DHRSX: variants seen among roughly 807,000 people sequenced by gnomAD.
DHRSX encodes the protein polyprenol dehydrogenase.
A neutral mutation model predicts 34.0 loss-of-function variants in DHRSX; 31 were observed. That is an observed-to-expected ratio of 0.91 (90% CI 0.69 to 1.23). The LOEUF (loss-of-function observed/expected upper bound fraction) is 1.23, where lower values mean the gene tolerates loss of function less well. Ranked by LOEUF, DHRSX falls within the 50% of genes most tolerant of loss-of-function variation. The pLI, the probability that DHRSX is intolerant of heterozygous loss-of-function variation, is 0.00. For missense variants in DHRSX, 414 were observed against 428.1 expected (o/e 0.97, Z 0.29); for synonymous variants, 201 against 183.8 (o/e 1.09, Z -0.76).
chrX:2,419,869 A>G (rs1420700393), intron 2 of DHRSX, among the ~76,000 whole-genome samples: 1 of 151,560 alleles, frequency 6.6e-6, no homozygotes, highest in East Asian at 2.0e-4. Flanking sequence ...CCTAATGCTA[A>G]ATGACGAGTT....
rs773133142 is a variant in DHRSX, at chrX:2,462,958, C to G, written c.110-37654G>C. Among the ~76,000 whole-genome samples, 402 of 152,180 alleles carry G rather than the reference C, an allele frequency of 2.6e-3. 2 individuals carry two copies. Among genetic ancestry groups the G allele is most frequent in the Non-Finnish European group, 4.7e-3 (321 of 68,008 alleles). On this transcript the variant is annotated intron_variant, in intron 1 of 6. Coordinates refer to ENST00000334651, the MANE Select transcript of DHRSX (RefSeq NM_145177.3). ...AGGTGGGAGACTTGGGAGGTGATGA[C>G]TTCATGGGGATCAAGCCTCATGAAT... is the stretch of plus-strand genomic sequence containing the variant.
intron 1 of DHRSX, 163 bp downstream of exon 1, chrX:2,500,654 G>GCCCCCCCCCCCCCCCCCCCCCC (rs546772121): frequency 1.6e-5 from 2 of 126,696 alleles, no homozygotes; most frequent in African/African-American, 3.1e-5. Context: ...CGCGCACGCC[G>GCCCCCCCCCCCCCCCCCCCCCC]CCCCCCCCCC....
At chrX:2,379,595 G>GTTTTTTTTTTTTT (rs749144665) in intron 3 of DHRSX, among the ~76,000 whole-genome samples, 1 of 103,922 alleles carries the variant, frequency 9.6e-6, no homozygotes, top group Admixed American at 9.9e-5. Flanking sequence ...GGCAGTGGAG[G>GTTTTTTTTTTTTT]TTTTTTTTTT....
At chrX:2,388,584 T>C (rs2043298990) in intron 3 of DHRSX, among the ~76,000 whole-genome samples, 1 of 151,062 alleles carries the variant, frequency 6.6e-6, no homozygotes. Context: ...GGAGAATCAA[T>C]GTCTATTGTT....
In DHRSX at chrX:2,476,651, T is replaced by A. The variant is rs773367415; in HGVS notation, c.109+24166A>T. Among the ~76,000 whole-genome samples the A allele has an allele frequency of 2.0e-5, 3 of 152,194 alleles. No individual in the cohort carries two copies. In the South Asian group the frequency reaches 6.2e-4, roughly 32 times the overall value. ...ATCCATTCCTCAAAACAACGCCACG[T>A]AGACTGGATAAAGAAAAGGTGGTGT... On this transcript the variant is annotated intron_variant, in intron 1 of 6. Coordinates refer to ENST00000334651, the MANE Select transcript of DHRSX (RefSeq NM_145177.3).
At chrX:2,399,466 G>A (rs912673019) in intron 3 of DHRSX, among the ~76,000 whole-genome samples, 5 of 150,864 alleles carry the variant, frequency 3.3e-5, no homozygotes, top group Non-Finnish European at 5.9e-5. Flanking sequence ...CAGCACTTCG[G>A]GAGGCCAAGG....
At position 2,319,799 on chromosome X, in the gene DHRSX, CT is replaced by C. The variant is rs756299259; in HGVS notation, c.287-28197del. Among the ~76,000 whole-genome samples, 329 of 152,086 alleles carry C rather than the reference CT, an allele frequency of 2.2e-3. 1 individual carries two copies. Among genetic ancestry groups the C allele is most frequent in the African/African-American group, 7.3e-3 (301 of 41,494 alleles). ...TTCAACTGCATAGAGGTCAGTACCCCTAACCCCCGTGTTGTTCAAGGGTCAG... is the reference window on the plus strand; with the variant it reads ...TTCAACTGCATAGAGGTCAGTACCCCAACCCCCGTGTTGTTCAAGGGTCAG... On this transcript the variant is annotated intron_variant, in intron 3 of 6. Transcript: ENST00000334651.
At chrX:2,239,609 T>C (rs1482682733) in intron 6 of DHRSX, among the ~76,000 whole-genome samples, 1 of 147,146 alleles carries the variant, frequency 6.8e-6, no homozygotes, top group African/African-American at 2.5e-5. Context: ...AAATAAAAAA[T>C]AAAAAAAAAA....
chrX:2,490,212 T>C (rs781613291), intron 1 of DHRSX: 1 of 1,613,890 alleles, frequency 6.2e-7, no homozygotes, highest in Non-Finnish European at 8.5e-7. Flanking sequence ...ATGGCCTTGG[T>C]AGAGATGTAC....
At chrX:2,383,360 T>A (rs1343358939) in intron 3 of DHRSX, among the ~76,000 whole-genome samples, 1 of 151,548 alleles carries the variant, frequency 6.6e-6, no homozygotes, top group Non-Finnish European at 1.5e-5. Context: ...AGCAGCAGCA[T>A]AATCATTATC....
intron 3 of DHRSX, among the ~76,000 whole-genome samples, chrX:2,306,008 C>T (rs142324120): frequency 3.6e-3 from 303 of 83,538 alleles, no homozygotes; most frequent in African/African-American, 0.013. Context: ...GAATAGCTAA[C>T]TCATGCTGGG....
At chrX:2,269,885 C>T (rs2041526373) in intron 4 of DHRSX, among the ~76,000 whole-genome samples, 1 of 152,102 alleles carries the variant, frequency 6.6e-6, no homozygotes, top group South Asian at 2.1e-4. Flanking sequence ...ATAGGTCTAG[C>T]GTTTCTGTAT....
At chrX:2,332,554 A>T (rs2042492916) in intron 3 of DHRSX, among the ~76,000 whole-genome samples, 1 of 152,220 alleles carries the variant, frequency 6.6e-6, no homozygotes, top group Non-Finnish European at 1.5e-5. Flanking sequence ...TGCATTAGAA[A>T]TAGGACTTAT....
intron 6 of DHRSX, among the ~76,000 whole-genome samples, chrX:2,235,851 C>T (rs1442502495): frequency 6.7e-6 from 1 of 149,294 alleles, no homozygotes; most frequent in Non-Finnish European, 1.5e-5. Flanking sequence ...CGGTGGCTCA[C>T]ACCTGTCATC....
chrX:2,468,345 T>C (rs73179215), intron 1 of DHRSX, among the ~76,000 whole-genome samples: 10,319 of 152,186 alleles, frequency 0.068, 549 homozygotes, highest in South Asian at 0.24. Context: ...ATGTCTGAGA[T>C]GGCCACTTGC....
chrX:2,328,678 T>G (rs73630211), intron 3 of DHRSX, among the ~76,000 whole-genome samples: 1 of 152,142 alleles, frequency 6.6e-6, no homozygotes, highest in Non-Finnish European at 1.5e-5. Flanking sequence ...CACACTTTGA[T>G]CTCACAGACT....
At position 2,254,953 on chromosome X, in the gene DHRSX, C is replaced by G. The variant is rs919927097; in HGVS notation, c.597-11723G>C. Among the ~76,000 whole-genome samples the G allele has an allele frequency of 6.9e-5, 10 of 145,652 alleles. No individual in the cohort carries two copies. In the East Asian group the frequency reaches 9.9e-4, roughly 14 times the overall value. On this transcript the variant is annotated intron_variant, in intron 5 of 6. Coordinates refer to ENST00000334651, the MANE Select transcript of DHRSX (RefSeq NM_145177.3). ...CCACTGTGCCTGCCCCACGCCCCCC[C>G]CCTTTTTTTTCTTTTTTTTTTTTTG...
chrX:2,450,040 C>G (rs767334892), intron 1 of DHRSX, among the ~76,000 whole-genome samples: 2 of 151,986 alleles, frequency 1.3e-5, no homozygotes, highest in Non-Finnish European at 2.9e-5. Flanking sequence ...ACCTCACATG[C>G]GTTACCTAAG....
intron 3 of DHRSX, among the ~76,000 whole-genome samples, chrX:2,336,836 T>C (rs1329371806): frequency 7.5e-5 from 6 of 79,590 alleles, no homozygotes; most frequent in Non-Finnish European, 1.8e-4. Context: ...AGCCCTAAGA[T>C]AGATAGATAG....
Sources: allele counts gnomAD v4.1 joint callset (sites outside exome capture counted in the v4.1 genomes callset), GRCh38; gene constraint gnomAD v4.1.1; transcripts MANE v1.5; gene names NCBI Gene and HGNC (gene_info 2026-07-23, HGNC 2026-07-21).